EPHA6: variants seen among roughly 807,000 people sequenced by gnomAD.
The protein encoded by EPHA6 is ephrin type-A receptor 6.
A neutral mutation model predicts 112.0 loss-of-function variants in EPHA6; 50 were observed. The observed-to-expected ratio is 0.45, with a 90% CI of 0.36 to 0.56. The LOEUF (loss-of-function observed/expected upper bound fraction) is 0.56. EPHA6 is among the 20% of genes least tolerant of loss of function. EPHA6 has a pLI of 0.00. For missense variants in EPHA6, 1,280 were observed against 1,417.4 expected (o/e 0.90, Z 1.56); for synonymous variants, 529 against 490.7 (o/e 1.08, Z -1.03).
chr3:97,272,179 C>T (rs370624252), intron 5 of EPHA6, among the ~76,000 whole-genome samples: 57 of 152,106 alleles, frequency 3.7e-4, no homozygotes, highest in African/African-American at 1.4e-3. Context: ...TGAGATCATA[C>T]AGCATTTTCC....
At chr3:96,985,015 C>T (rs549524233) in intron 2 of EPHA6, among the ~76,000 whole-genome samples, 34 of 152,286 alleles carry the variant, frequency 2.2e-4, no homozygotes, top group East Asian at 9.7e-4. Context: ...GGCGATGCTT[C>T]GCCCTGCTTT....
At chr3:97,297,780 T>C (rs9871006) in intron 5 of EPHA6, among the ~76,000 whole-genome samples, 5,702 of 152,240 alleles carry the variant, frequency 0.037, 343 homozygotes, top group African/African-American at 0.12. Context: ...TTTTATTTTT[T>C]TGAGACAGAG....
chr3:96,977,708 G>A (rs1411927690), intron 2 of EPHA6, among the ~76,000 whole-genome samples: 1 of 152,010 alleles, frequency 6.6e-6, no homozygotes, highest in Non-Finnish European at 1.5e-5. Flanking sequence ...GAAAATCCAT[G>A]TATAACATTT....
chr3:97,173,699 G>T (rs996513473), intron 3 of EPHA6, among the ~76,000 whole-genome samples: 1 of 151,730 alleles, frequency 6.6e-6, no homozygotes, highest in Non-Finnish European at 1.5e-5. Context: ...TTGATTTAGT[G>T]TATAGATTTA....
At chr3:96,879,398 G>C (rs1397178102) in intron 2 of EPHA6, among the ~76,000 whole-genome samples, 2 of 152,042 alleles carry the variant, frequency 1.3e-5, no homozygotes, top group Non-Finnish European at 2.9e-5. Flanking sequence ...GCAGAGTCTA[G>C]AGAATTTGAT....
At chr3:97,248,688 T>C (rs1415270616) in intron 5 of EPHA6, among the ~76,000 whole-genome samples, 2 of 152,130 alleles carry the variant, frequency 1.3e-5, no homozygotes, top group African/African-American at 4.8e-5. Flanking sequence ...CCATTCTGTA[T>C]AGGCCTGCCT....
chr3:97,023,314 C>G (rs140214522), intron 3 of EPHA6, among the ~76,000 whole-genome samples: 2,124 of 152,234 alleles, frequency 0.014, 61 homozygotes, highest in African/African-American at 0.048. Flanking sequence ...CTCCTGACCT[C>G]ATGATCTGCC....
At chr3:96,820,772 T>C (rs1559748028) in intron 1 of EPHA6, among the ~76,000 whole-genome samples, 1 of 152,188 alleles carries the variant, frequency 6.6e-6, no homozygotes, top group East Asian at 1.9e-4. Context: ...ATTTGATTCA[T>C]TTCTGACATG....
At chr3:97,466,192 ATCCT>A (rs2091046477) in intron 7 of EPHA6, 1 of 732,032 alleles carries the variant, frequency 1.4e-6, no homozygotes, top group Non-Finnish European at 2.5e-6. Flanking sequence ...TACACTTCCA[ATCCT>A]ATCCATCCAG....
In EPHA6 at chr3:96,823,141, T is replaced by C. The variant is rs561604485; in HGVS notation, c.385+8133T>C. Among the ~76,000 whole-genome samples the C allele has an allele frequency of 1.5e-4, 23 of 151,818 alleles. No individual in the cohort carries two copies. In the South Asian group the frequency reaches 4.8e-3, roughly 31 times the overall value. On this transcript the variant is annotated intron_variant, in intron 1 of 17. Transcript: ENST00000389672. ...AAGAGAGGCATAGTGTTCCATATGTTGATATAAAATGACACTAATATTGCA... is the reference window on the plus strand; with the variant it reads ...AAGAGAGGCATAGTGTTCCATATGTCGATATAAAATGACACTAATATTGCA...
chr3:97,593,560 G>A (rs901838515), intron 12 of EPHA6, among the ~76,000 whole-genome samples: 1 of 152,032 alleles, frequency 6.6e-6, no homozygotes, highest in African/African-American at 2.4e-5. Flanking sequence ...AAAAATTATT[G>A]TTATGACATC....
intron 3 of EPHA6, among the ~76,000 whole-genome samples, chr3:97,061,387 A>G (rs1013016414): frequency 3.9e-5 from 6 of 152,216 alleles, no homozygotes; most frequent in African/African-American, 1.4e-4. Context: ...GAAAGTGGTC[A>G]TATCCAAGTA....
Position 97,243,390 on chromosome 3 carries a change from G to A in EPHA6, c.1271-562G>A, listed in dbSNP as rs191497802. On this transcript the variant is annotated intron_variant, in intron 4 of 17. Coordinates refer to ENST00000389672, the MANE Select transcript of EPHA6 (RefSeq NM_001080448.3). ...TTTTGTTGCCTTCAATTTTCATTTC[G>A]TTTTTCCTTTTTCCAAATCATCTGC... 9.5e-4 allele frequency among the ~76,000 whole-genome samples: 144 copies of A among 151,668 alleles called. 1 individual carries two copies. Among genetic ancestry groups the A allele is most frequent in the Admixed American group, 8.3e-3 (126 of 15,196 alleles).
In EPHA6 at chr3:97,191,639, AGT is replaced by A. The variant is rs534547467; in HGVS notation, c.1115-34623_1115-34622del. 5.1e-4 allele frequency among the ~76,000 whole-genome samples: 77 copies of A among 152,172 alleles called. 2 individuals are homozygous for A. In the East Asian group the frequency reaches 0.013, roughly 26 times the overall value. ...CTGCAGTTCCATCTATGTTGTTGCAAGTGACAGAATCTCATTTTCTTTCACGG... is the reference window on the plus strand; with the variant it reads ...CTGCAGTTCCATCTATGTTGTTGCAAGACAGAATCTCATTTTCTTTCACGG... On this transcript the variant is annotated intron_variant, in intron 3 of 17. Transcript: ENST00000389672.
At chr3:97,658,326 TCTC>T (rs2094148676) in intron 14 of EPHA6, among the ~76,000 whole-genome samples, 1 of 151,780 alleles carries the variant, frequency 6.6e-6, no homozygotes, top group South Asian at 2.1e-4. Flanking sequence ...CAATTATTTG[TCTC>T]CAATATAGAC....
At chr3:97,374,523 G>T (rs1280016467) in intron 5 of EPHA6, among the ~76,000 whole-genome samples, 2 of 152,052 alleles carry the variant, frequency 1.3e-5, no homozygotes, top group African/African-American at 4.8e-5. Flanking sequence ...GAGTACTTGT[G>T]TAGGTTTGTT....
At chr3:97,502,383 G>A (rs945188678) in intron 10 of EPHA6, among the ~76,000 whole-genome samples, 12 of 151,372 alleles carry the variant, frequency 7.9e-5, no homozygotes, top group Non-Finnish European at 1.6e-4. Context: ...TGGGCAGGCT[G>A]GTCTCAAACT....
intron 3 of EPHA6, among the ~76,000 whole-genome samples, chr3:97,032,796 A>C (rs2044919998): frequency 6.6e-6 from 1 of 151,940 alleles, no homozygotes; most frequent in South Asian, 2.1e-4. Flanking sequence ...GACCTTACCT[A>C]TTGCCCTAAG....
chr3:96,829,645 T>C (rs966649145), intron 1 of EPHA6, among the ~76,000 whole-genome samples: 1 of 152,112 alleles, frequency 6.6e-6, no homozygotes, highest in African/African-American at 2.4e-5. Context: ...CAGCAATTTA[T>C]GGCAGTATAG....
Sources: allele counts gnomAD v4.1 joint callset (sites outside exome capture counted in the v4.1 genomes callset), GRCh38; gene constraint gnomAD v4.1.1; transcripts MANE v1.5; gene names NCBI Gene and HGNC (gene_info 2026-07-23, HGNC 2026-07-21).